CRACDL: variants seen among roughly 807,000 people sequenced by gnomAD.
The protein encoded by CRACDL is CRACD-like protein.
Under a neutral mutation model 70.6 loss-of-function variants are expected in CRACDL, and 26 were observed. That is an observed-to-expected ratio of 0.37 (90% CI 0.27 to 0.51). The LOEUF (loss-of-function observed/expected upper bound fraction) is 0.51, where lower values mean the gene tolerates loss of function less well. Among genes scored for constraint, CRACDL ranks in the 20% least tolerant of loss-of-function variants. The pLI, the probability that CRACDL is intolerant of heterozygous loss-of-function variation, is 0.94. For synonymous variants in CRACDL, 618 were observed against 615.2 expected, an observed-to-expected ratio of 1.00 and a Z score of -0.07; for missense variants, 1,283 against 1,376.9, an observed-to-expected ratio of 0.93 and a Z score of 1.08.
At chr2:98,923,897 C>G (rs1249439692) in intron 1 of CRACDL, among the ~76,000 whole-genome samples, 1 of 152,186 alleles carries the variant, frequency 6.6e-6, no homozygotes, top group Non-Finnish European at 1.5e-5. Context: ...AAGCAAACAC[C>G]ATGGCAGGCC....
intron 1 of CRACDL, among the ~76,000 whole-genome samples, chr2:98,860,745 A>G (rs1055449335): frequency 6.6e-6 from 1 of 152,236 alleles, no homozygotes; most frequent in Non-Finnish European, 1.5e-5. Context: ...CAAATGCATC[A>G]AAAGAGAAGA....
chr2:98,896,476 G>A (rs545076411), intron 1 of CRACDL, among the ~76,000 whole-genome samples: 1 of 152,144 alleles, frequency 6.6e-6, no homozygotes, highest in Non-Finnish European at 1.5e-5. Context: ...CCAAACCTGT[G>A]CCCTACATTC....
At chr2:98,923,036 G>A (rs190896657) in intron 1 of CRACDL, among the ~76,000 whole-genome samples, 4 of 152,206 alleles carry the variant, frequency 2.6e-5, no homozygotes, top group Admixed American at 6.5e-5. Context: ...TTGGGAGGCC[G>A]AGGTGGGCAG....
At chr2:98,922,266 T>C (rs1708821410) in intron 1 of CRACDL, among the ~76,000 whole-genome samples, 1 of 151,222 alleles carries the variant, frequency 6.6e-6, no homozygotes, top group Admixed American at 6.6e-5. Context: ...AAGCCCCGTC[T>C]CTACTAAAAT....
At chr2:98,909,217 T>C (rs1708486276) in intron 1 of CRACDL, among the ~76,000 whole-genome samples, 2 of 152,228 alleles carry the variant, frequency 1.3e-5, no homozygotes, top group African/African-American at 4.8e-5. Context: ...TCATGAGCCC[T>C]AGATAGCAAC....
chr2:98,875,531 G>A (rs1009921349), intron 1 of CRACDL, among the ~76,000 whole-genome samples: 2 of 125,994 alleles, frequency 1.6e-5, no homozygotes, highest in East Asian at 2.0e-4. Flanking sequence ...GAAAGTCCCA[G>A]TTGACAGACA....
At chr2:98,915,081 A>T (rs1708634996) in intron 1 of CRACDL, among the ~76,000 whole-genome samples, 1 of 152,202 alleles carries the variant, frequency 6.6e-6, no homozygotes, top group East Asian at 1.9e-4. Context: ...GGGTTGGCAA[A>T]GGCTGCTCAA....
intron 1 of CRACDL, among the ~76,000 whole-genome samples, chr2:98,914,298 C>T (rs1379045764): frequency 1.3e-5 from 2 of 152,218 alleles, no homozygotes; most frequent in Admixed American, 1.3e-4. Context: ...CAGCCCCCCA[C>T]AGCAAGGAGC....
intron 1 of CRACDL, among the ~76,000 whole-genome samples, chr2:98,900,971 G>C (rs547188187): frequency 4.7e-4 from 71 of 152,334 alleles, no homozygotes; most frequent in Non-Finnish European, 8.2e-4. Context: ...AGGAAGTCAA[G>C]CTCCAGAGGA....
At chr2:98,890,220 T>C (rs1707925662) in intron 1 of CRACDL, among the ~76,000 whole-genome samples, 1 of 152,096 alleles carries the variant, frequency 6.6e-6, no homozygotes, top group Non-Finnish European at 1.5e-5. Flanking sequence ...CAAAAGTTAG[T>C]TCTTTGAAAA....
Position 98,822,508 on chromosome 2 carries a change from G to C in CRACDL, c.1765C>G (p.Arg589Gly). ...CRARPRPGVS[R>G]PLERASGRLP... ...CGGCCGCTGGCCCGTTCCAGCGGGCGGGAGACGCCCGGACGAGGCCGCGCT... is the reference window on the plus strand; with the variant it reads ...CGGCCGCTGGCCCGTTCCAGCGGGCCGGAGACGCCCGGACGAGGCCGCGCT... The change falls in exon 7 of 10, where the codon CGC becomes GGC. Residue 589 changes from arginine to glycine, a missense_variant. Arg to Gly is a moderately radical substitution (Grantham distance 125). Coordinates refer to ENST00000397899, the MANE Select transcript of CRACDL (RefSeq NM_207362.3). The surrounding 1 kb of genome is among the most constrained non-coding windows in gnomAD (Gnocchi z 4.9). 2.1e-6 allele frequency: 3 copies of C among 1,458,000 alleles called. No homozygotes were observed. The highest frequency in any genetic ancestry group is 2.7e-6 in the Non-Finnish European group (3 of 1,114,386). The allele number at this position is 1,458,000 out of a possible 1,614,324, so 90.3% of individuals were successfully genotyped here.
chr2:98,922,438 CAA>C (rs565954351), intron 1 of CRACDL, among the ~76,000 whole-genome samples: 21 of 63,426 alleles, frequency 3.3e-4, no homozygotes, highest in South Asian at 5.8e-4. Context: ...GACTCCGTCT[CAA>C]AAAAAAAAAA....
chr2:98,795,069 A>ATTT (rs1559194957), intron 9 of CRACDL, among the ~76,000 whole-genome samples: 7 of 28,918 alleles, frequency 2.4e-4, no homozygotes, highest in African/African-American at 6.7e-4. Flanking sequence ...ATATATATAT[A>ATTT]TATATATATT....
At chr2:98,904,933 C>T (rs1018914426) in intron 1 of CRACDL, among the ~76,000 whole-genome samples, 2 of 152,130 alleles carry the variant, frequency 1.3e-5, no homozygotes, top group Admixed American at 6.5e-5. Flanking sequence ...GTAATGAGTT[C>T]ATCCTAGATC....
chr2:98,863,760 A>G (rs1237962385), intron 1 of CRACDL, among the ~76,000 whole-genome samples: 1 of 152,160 alleles, frequency 6.6e-6, no homozygotes. Context: ...TCAATTTATG[A>G]TGGGTATATC....
intron 1 of CRACDL, among the ~76,000 whole-genome samples, chr2:98,861,645 C>G (rs1220007916): frequency 6.6e-6 from 1 of 152,096 alleles, no homozygotes; most frequent in Non-Finnish European, 1.5e-5. Context: ...ATAGAAAGCA[C>G]CAGGAATCTG....
intron 1 of CRACDL, among the ~76,000 whole-genome samples, chr2:98,881,833 T>C (rs1047302656): frequency 2.0e-5 from 3 of 152,092 alleles, no homozygotes; most frequent in African/African-American, 7.2e-5. Flanking sequence ...CTGAAGTTGA[T>C]CCAGTCCACT....
At chr2:98,876,186 T>G (rs1432338046) in intron 1 of CRACDL, among the ~76,000 whole-genome samples, 1 of 152,252 alleles carries the variant, frequency 6.6e-6, no homozygotes, top group African/African-American at 2.4e-5. Context: ...TTTGCCTTTA[T>G]TTTCTTAAAT....
intron 8 of CRACDL, 151 bp from the exon 9 acceptor site, chr2:98,796,415 C>G (rs1206501822): frequency 1.3e-5 from 9 of 702,482 alleles, no homozygotes; most frequent in Non-Finnish European, 1.9e-5. Context: ...AGCTCACTAA[C>G]ACCGAGTGGT....
Sources: gnomAD v4.1 joint callset for allele counts (sites outside exome capture counted in the v4.1 genomes callset) on GRCh38, gnomAD v4.1.1 for gene constraint, Gnocchi (gnomAD v3.1) non-coding constraint, MANE v1.5 for transcripts, NCBI Gene and HGNC (gene_info 2026-07-23, HGNC 2026-07-21) for gene names.